The following GALNT18 variants were observed in gnomAD, a reference collection of about 807,000 sequenced individuals.
The protein encoded by GALNT18 is polypeptide N-acetylgalactosaminyltransferase 18.
GALNT18 carries 44 observed loss-of-function variants against 69.5 expected under a neutral mutation model. The ratio of observed to expected loss-of-function variants is 0.63; its 90% confidence interval spans 0.50 to 0.81. The LOEUF is 0.81. Among genes scored for constraint, GALNT18 ranks in the 40% least tolerant of loss-of-function variants. GALNT18 has a pLI of 0.00. For missense variants in GALNT18, 715 were observed against 810.0 expected (o/e 0.88, Z 1.42); for synonymous variants, 364 against 318.2 (o/e 1.14, Z -1.53).
intron 3 of GALNT18, among the ~76,000 whole-genome samples, chr11:11,428,414 C>T (rs1589993328): frequency 3.3e-5 from 5 of 152,244 alleles, no homozygotes; most frequent in Admixed American, 3.3e-4. Context: ...AGGCCCCTTC[C>T]CACCATGTCT....
rs991193298 is a variant in GALNT18, at chr11:11,562,052, T to C, written c.235+59307A>G. Among the ~76,000 whole-genome samples the C allele has an allele frequency of 2.0e-5, 3 of 152,228 alleles. No homozygotes were observed. The highest frequency in any genetic ancestry group is 7.2e-5 in the African/African-American group (3 of 41,462). On this transcript the variant is annotated intron_variant, in intron 1 of 10. Transcript: ENST00000227756. This position sits in a 1 kb window ranked among gnomAD's most constrained non-coding sequence, Gnocchi z 4.1. ...ACTCCATAAACCACACTCCTAACCC[T>C]TTCTCTTTACTAAAGGTGTGGGATT... is the stretch of plus-strand genomic sequence containing the variant.
chr11:11,334,933 T>C (rs1850084676), intron 7 of GALNT18, among the ~76,000 whole-genome samples: 1 of 152,226 alleles, frequency 6.6e-6, no homozygotes, highest in South Asian at 2.1e-4. Context: ...TACCTTCCAC[T>C]CCGACCCTAA....
At chr11:11,487,665 A>G (rs1270333933) in intron 1 of GALNT18, among the ~76,000 whole-genome samples, 1 of 152,162 alleles carries the variant, frequency 6.6e-6, no homozygotes, top group Non-Finnish European at 1.5e-5. Flanking sequence ...TTGGCTTCTA[A>G]TAAGAACAGT....
chr11:11,580,271 A>T (rs1485555524), intron 1 of GALNT18, among the ~76,000 whole-genome samples: 2 of 152,106 alleles, frequency 1.3e-5, no homozygotes, highest in Non-Finnish European at 2.9e-5. Flanking sequence ...GGCAAACCTC[A>T]TGTGTTCTCA....
rs181930802 is a variant in GALNT18, at chr11:11,451,819, G to T, written c.236-2883C>A. Among the ~76,000 whole-genome samples the T allele has an allele frequency of 7.1e-4, 108 of 152,316 alleles. No individual in the cohort carries two copies. The Middle Eastern group carries it at 0.014, about 19-fold the overall frequency. On this transcript the variant is annotated intron_variant, in intron 1 of 10. Transcript: ENST00000227756. ...GAAACCAAAAGTGAAAAGGTTAAAT[G>T]TCTAATCCAAGGCCACCCAGTGTGT...
Position 11,377,138 on chromosome 11 carries a change from T to C in GALNT18, c.977+44A>G. The stretch of plus-strand genomic sequence containing the variant: ...TTGGACCAGTAGGCGGTCCCTAGCC[T>C]GGAGGTCAAAGCGGAGAGACCCACA... On this transcript the variant is annotated intron_variant, in intron 5 of 10. Coordinates refer to ENST00000227756, the MANE Select transcript of GALNT18 (RefSeq NM_198516.3). This position sits in a 1 kb window ranked among gnomAD's most constrained non-coding sequence, Gnocchi z 4.6. 6.3e-7 allele frequency: 1 copy of C among 1,581,716 alleles called. No individual in the cohort carries two copies. Among genetic ancestry groups the C allele is most frequent in the Non-Finnish European group, 8.7e-7 (1 of 1,153,534 alleles).
At chr11:11,597,663 CT>C (rs1438591992) in intron 1 of GALNT18, among the ~76,000 whole-genome samples, 241 of 137,418 alleles carry the variant, frequency 1.8e-3, no homozygotes, top group Middle Eastern at 3.7e-3. Flanking sequence ...TTTGAGTATT[CT>C]TTTTTTTTTT....
intron 3 of GALNT18, among the ~76,000 whole-genome samples, chr11:11,406,329 A>T (rs1417575233): frequency 6.6e-6 from 1 of 152,222 alleles, no homozygotes; most frequent in Admixed American, 6.5e-5. Flanking sequence ...AGTCTGTTGT[A>T]ATGACTCAGC....
chr11:11,401,293 G>C (rs915596452), intron 3 of GALNT18, among the ~76,000 whole-genome samples: 7 of 152,152 alleles, frequency 4.6e-5, no homozygotes, highest in African/African-American at 1.7e-4. Context: ...TTCCTAAATG[G>C]GGAATGAACA....
In GALNT18 at chr11:11,309,384, A is replaced by G. The variant is rs970939993; in HGVS notation, c.1513-16191T>C. Reference sequence around the variant, plus strand: ...CTTACTTCCCAATGCCTGCTCATCAACCTAATTGAGGCCTTTGGAATAATA... The same window carrying G: ...CTTACTTCCCAATGCCTGCTCATCAGCCTAATTGAGGCCTTTGGAATAATA... On this transcript the variant is annotated intron_variant, in intron 9 of 10. Coordinates refer to ENST00000227756, the MANE Select transcript of GALNT18 (RefSeq NM_198516.3). This position sits in a 1 kb window ranked among gnomAD's most constrained non-coding sequence, Gnocchi z 4.6. Among the ~76,000 whole-genome samples, 1 of 152,160 alleles carries G rather than the reference A, an allele frequency of 6.6e-6. No homozygotes were observed. Among genetic ancestry groups the G allele is most frequent in the Non-Finnish European group, 1.5e-5 (1 of 68,018 alleles).
In GALNT18 at chr11:11,461,943, C is replaced by T. The variant is rs180862008; in HGVS notation, c.236-13007G>A. ...ATCTGTAATATTACTCTATCATGTG[C>T]TCCCCTGTCTCAAACAGCCTCTCCC... On this transcript the variant is annotated intron_variant, in intron 1 of 10. Coordinates refer to ENST00000227756, the MANE Select transcript of GALNT18 (RefSeq NM_198516.3). This position sits in a 1 kb window ranked among gnomAD's most constrained non-coding sequence, Gnocchi z 4.1. Among the ~76,000 whole-genome samples the T allele has an allele frequency of 6.6e-6, 1 of 152,334 alleles. No individual in the cohort carries two copies. Among genetic ancestry groups the T allele is most frequent in the East Asian group, 1.9e-4 (1 of 5,176 alleles).
intron 1 of GALNT18, among the ~76,000 whole-genome samples, chr11:11,506,820 G>A (rs1018939212): frequency 6.6e-6 from 1 of 152,178 alleles, no homozygotes; most frequent in South Asian, 2.1e-4. Flanking sequence ...TGGAAAATGT[G>A]CAGCTGCTGA....
chr11:11,528,006 T>C (rs1857558753), intron 1 of GALNT18, among the ~76,000 whole-genome samples: 1 of 152,186 alleles, frequency 6.6e-6, no homozygotes, highest in African/African-American at 2.4e-5. Flanking sequence ...TCTTATTTAA[T>C]ACTCATAACA....
intron 4 of GALNT18, among the ~76,000 whole-genome samples, chr11:11,378,022 A>G (rs565643151): frequency 5.9e-4 from 90 of 152,360 alleles, no homozygotes; most frequent in Admixed American, 4.8e-3. Flanking sequence ...TTAATAATAC[A>G]TTTGGTGCAT....
intron 1 of GALNT18, 27 bp from the exon 2 acceptor site, chr11:11,448,963 T>A: frequency 6.6e-7 from 1 of 1,525,062 alleles, no homozygotes; most frequent in Non-Finnish European, 8.8e-7. Flanking sequence ...CAGGAGACAG[T>A]GGGTCAGAGT....
chr11:11,397,768 G>A (rs907483383), intron 3 of GALNT18, among the ~76,000 whole-genome samples: 1 of 152,172 alleles, frequency 6.6e-6, no homozygotes, highest in African/African-American at 2.4e-5. Flanking sequence ...ACCACACCCG[G>A]CCCACAAGGG....
intron 1 of GALNT18, among the ~76,000 whole-genome samples, chr11:11,568,114 T>C (rs796125692): frequency 3.3e-5 from 5 of 152,334 alleles, no homozygotes; most frequent in African/African-American, 1.2e-4. Flanking sequence ...CTCAGCCTCT[T>C]GCTGTTCTCA....
At position 11,359,186 on chromosome 11, in the gene GALNT18, G is replaced by T. The variant is rs1215283780; in HGVS notation, c.1092+13329C>A. Among the ~76,000 whole-genome samples, 6 of 139,856 alleles carry T rather than the reference G, an allele frequency of 4.3e-5. 1 individual carries two copies. The highest frequency in any genetic ancestry group is 1.6e-4 in the African/African-American group (6 of 37,796). 91.8% of individuals were successfully genotyped at this position (139,856 alleles called of 152,430 possible). A position where few individuals can be genotyped will look rare whatever the true frequency, so the allele number is the denominator to read the frequency against. ...AATGTTTTTAATTAATTTCCTTATG[G>T]CTAGCTGAGAACGGCCATGATACTA... On this transcript the variant is annotated intron_variant, in intron 6 of 10. Coordinates refer to ENST00000227756, the MANE Select transcript of GALNT18 (RefSeq NM_198516.3).
chr11:11,342,393 T>C (rs1850224007), intron 6 of GALNT18, among the ~76,000 whole-genome samples: 1 of 152,226 alleles, frequency 6.6e-6, no homozygotes, highest in African/African-American at 2.4e-5. Context: ...AACATCACCA[T>C]GAACTTGGTA....
Sources: gnomAD v4.1 joint callset for allele counts (sites outside exome capture counted in the v4.1 genomes callset) on GRCh38, gnomAD v4.1.1 for gene constraint, Gnocchi (gnomAD v3.1) non-coding constraint, MANE v1.5 for transcripts, NCBI Gene and HGNC (gene_info 2026-07-23, HGNC 2026-07-21) for gene names.